The following FRMD6 variants were observed in gnomAD, a reference collection of about 807,000 sequenced individuals.
FRMD6 encodes the protein FERM domain containing 6, also known as FERM domain-containing protein 6.
In FRMD6, 37 loss-of-function variants were observed where a neutral mutation model predicts 73.2. The observed-to-expected ratio is 0.51, with a 90% confidence interval of 0.39 to 0.66. FRMD6 has a LOEUF of 0.66. Ranked by LOEUF, FRMD6 falls within the 30% of genes least tolerant of loss-of-function variation. The pLI, the probability that FRMD6 is intolerant of heterozygous loss-of-function variation, is 0.00. For missense variants in FRMD6, 714 were observed against 780.5 expected (o/e 0.91, Z 1.02); for synonymous variants, 273 against 282.2 (o/e 0.97, Z 0.33).
Position 51,603,850 on chromosome 14 carries a change from A to G in FRMD6, c.-147+33440A>G, listed in dbSNP as rs934282424. ...AACTAACTCACATGGTGACAGGCAC[A>G]TAAGCACTAAAAAAATGACTAATTT... On this transcript the variant is annotated intron_variant, in intron 2 of 14. Coordinates refer to the FRMD6 transcript ENST00000356218. Among the ~76,000 whole-genome samples the G allele has an allele frequency of 2.6e-5, 4 of 152,342 alleles. No homozygotes were observed. The East Asian group carries it at 7.7e-4, about 29-fold the overall frequency.
At chr14:51,716,226 C>A (rs975502433) in intron 10 of FRMD6, among the ~76,000 whole-genome samples, 2 of 152,012 alleles carry the variant, frequency 1.3e-5, no homozygotes, top group Non-Finnish European at 2.9e-5. Flanking sequence ...AGTTGTGGCA[C>A]CCTGGATTTC....
At chr14:51,597,145 G>A (rs1188153685) in intron 2 of FRMD6, among the ~76,000 whole-genome samples, 1 of 152,170 alleles carries the variant, frequency 6.6e-6, no homozygotes, top group Non-Finnish European at 1.5e-5. Context: ...ATTATCTAAT[G>A]TGTGCCACAG....
intron 9 of FRMD6, chr14:51,714,272 G>C (rs1315748215): frequency 2.0e-5 from 3 of 151,690 alleles, no homozygotes; most frequent in African/African-American, 7.3e-5. Context: ...TTCAGTATTG[G>C]GGTCCACTGG....
At chr14:51,505,145 T>C (rs1157609682) in intron 1 of FRMD6, among the ~76,000 whole-genome samples, 4 of 152,216 alleles carry the variant, frequency 2.6e-5, no homozygotes, top group African/African-American at 9.6e-5. Flanking sequence ...TTGAGAGAAC[T>C]AAGAAAGGCT....
At chr14:51,690,903 A>G (rs998999199) in intron 2 of FRMD6, among the ~76,000 whole-genome samples, 1 of 152,212 alleles carries the variant, frequency 6.6e-6, no homozygotes, top group Non-Finnish European at 1.5e-5. Flanking sequence ...TGCAAAGTAT[A>G]GAAACCTTAT....
At chr14:51,623,405 T>C (rs1427086324) in intron 2 of FRMD6, among the ~76,000 whole-genome samples, 1 of 152,162 alleles carries the variant, frequency 6.6e-6, no homozygotes, top group African/African-American at 2.4e-5. Flanking sequence ...CAGATCCAAA[T>C]GATTAGATTA....
At chr14:51,599,450 A>G (rs1889909642) in intron 2 of FRMD6, among the ~76,000 whole-genome samples, 1 of 152,200 alleles carries the variant, frequency 6.6e-6, no homozygotes, top group Non-Finnish European at 1.5e-5. Flanking sequence ...TTTATGACTA[A>G]GTTCTCAAAA....
chr14:51,472,733 A>G, the FRMD6 span, among the ~76,000 whole-genome samples: 1 of 151,638 alleles, frequency 6.6e-6, no homozygotes, highest in Non-Finnish European at 1.5e-5. Flanking sequence ...GCACCCTGTC[A>G]AAAATTCTGA....
chr14:51,561,396 GA>G (rs1471016538), intron 1 of FRMD6, among the ~76,000 whole-genome samples: 1 of 152,178 alleles, frequency 6.6e-6, no homozygotes, highest in Non-Finnish European at 1.5e-5. Flanking sequence ...ATCAGCATTG[GA>G]AGGGACCTCC....
At chr14:51,472,391 C>A in the FRMD6 span, among the ~76,000 whole-genome samples, 1 of 152,160 alleles carries the variant, frequency 6.6e-6, no homozygotes, top group East Asian at 1.9e-4. Flanking sequence ...GCAAGCTCCA[C>A]CTCCCAGGTT....
At position 51,729,660 on chromosome 14, in the gene FRMD6, C is replaced by T. The variant is rs754336066; in HGVS notation, c.*1631C>T. ...TATACAAAATTATGTTTTCAGGTAA[C>T]GAAATAGATGTAGGGTACAGTGGAA... On this transcript the variant is annotated 3_prime_UTR_variant, in exon 14 of 14. Coordinates refer to ENST00000344768, the MANE Select transcript of FRMD6 (RefSeq NM_001267046.2). 5.3e-5 allele frequency: 8 copies of T among 152,250 alleles called. No homozygotes were observed. The highest frequency in any genetic ancestry group is 2.1e-4 in the South Asian group (1 of 4,812). The allele number at this position is 152,250 out of a possible 1,614,324, so 9.4% of individuals were successfully genotyped here. A position where few individuals can be genotyped will look rare whatever the true frequency, so the allele number is the denominator to read the frequency against.
At chr14:51,432,526 T>C in the FRMD6 span, among the ~76,000 whole-genome samples, 1 of 152,176 alleles carries the variant, frequency 6.6e-6, no homozygotes, top group Admixed American at 6.5e-5. Context: ...GTATGAAACA[T>C]GAGGACCAAT....
intron 2 of FRMD6, among the ~76,000 whole-genome samples, chr14:51,574,015 T>C (rs1188268039): frequency 6.6e-6 from 1 of 152,254 alleles, no homozygotes; most frequent in Non-Finnish European, 1.5e-5. Flanking sequence ...TTTTATTTTC[T>C]ATGAAGCATC....
At chr14:51,427,355 C>T in the FRMD6 span, among the ~76,000 whole-genome samples, 13 of 152,322 alleles carry the variant, frequency 8.5e-5, no homozygotes, top group South Asian at 2.7e-3. Flanking sequence ...GATCACCGTG[C>T]ATATGGGTCC....
At chr14:51,592,484 T>G (rs909060434) in intron 2 of FRMD6, among the ~76,000 whole-genome samples, 5 of 152,224 alleles carry the variant, frequency 3.3e-5, no homozygotes, top group Admixed American at 3.3e-4. Flanking sequence ...TATTCTAACC[T>G]ATCTCTCAAA....
chr14:51,662,454 T>C (rs914376562), intron 1 of FRMD6, among the ~76,000 whole-genome samples: 7 of 152,016 alleles, frequency 4.6e-5, no homozygotes, highest in Non-Finnish European at 8.8e-5. Flanking sequence ...AACAGACACA[T>C]AGAGCAGTGG....
intron 1 of FRMD6, among the ~76,000 whole-genome samples, chr14:51,658,789 A>C (rs8014336): frequency 0.79 from 119,584 of 152,138 alleles, 47,341 homozygotes; most frequent in Non-Finnish European, 0.84. Flanking sequence ...TATACATTTT[A>C]TTTTATGTTT....
chr14:51,433,931 T>C, the FRMD6 span, among the ~76,000 whole-genome samples: 1 of 152,226 alleles, frequency 6.6e-6, no homozygotes, highest in Non-Finnish European at 1.5e-5. Flanking sequence ...TATGCAAGTA[T>C]TATAAAACGA....
At chr14:51,711,384 T>A in intron 7 of FRMD6, 147 bp from the exon 8 acceptor site, 1 of 480,222 alleles carries the variant, frequency 2.1e-6, no homozygotes, top group South Asian at 3.5e-5. Flanking sequence ...AAACTAGGTA[T>A]GTGGAAAGGC....
Sources: allele counts gnomAD v4.1 joint callset (sites outside exome capture counted in the v4.1 genomes callset), GRCh38; gene constraint gnomAD v4.1.1; transcripts MANE v1.5; gene names NCBI Gene and HGNC (gene_info 2026-07-23, HGNC 2026-07-21).